Variants in FYN observed in about 807,000 individuals in gnomAD.
FYN encodes the protein FYN proto-oncogene, Src family tyrosine kinase.
Under a neutral mutation model 70.2 loss-of-function variants are expected in FYN, and 10 were observed. The observed-to-expected ratio is 0.14, with a 90% CI of 0.09 to 0.24. The LOEUF (loss-of-function observed/expected upper bound fraction) is 0.24, where lower values mean the gene tolerates loss of function less well. FYN is among the 10% of genes least tolerant of loss of function. FYN has a pLI of 1.00. For synonymous variants in FYN, 236 were observed against 248.6 expected, an observed-to-expected ratio of 0.95 and a Z score of 0.48; for missense variants, 319 against 673.1, an observed-to-expected ratio of 0.47 and a Z score of 5.82.
intron 1 of FYN, among the ~76,000 whole-genome samples, chr6:111,871,905 G>T (rs1324738832): frequency 6.6e-6 from 1 of 152,220 alleles, no homozygotes; most frequent in Non-Finnish European, 1.5e-5. Context: ...CCGGCATCCG[G>T]GGGTTCTTTT....
intron 3 of FYN, among the ~76,000 whole-genome samples, chr6:111,766,070 T>C (rs1803218708): frequency 1.3e-5 from 2 of 152,294 alleles, no homozygotes; most frequent in African/African-American, 2.4e-5. Context: ...GATTGATATA[T>C]GTGTAAAAAG....
chr6:111,793,251 T>C (rs1175026801), intron 2 of FYN, among the ~76,000 whole-genome samples: 1 of 152,212 alleles, frequency 6.6e-6, no homozygotes, highest in Non-Finnish European at 1.5e-5. Context: ...TATTACTATA[T>C]GTTAGGATGG....
At position 111,701,927 on chromosome 6, in the gene FYN, C is replaced by T. The variant is rs3777924; in HGVS notation, c.697+958G>A. Among the ~76,000 whole-genome samples the T allele has an allele frequency of 1.6e-3, 248 of 152,246 alleles. 3 individuals are homozygous for T. In the East Asian group the frequency reaches 0.029, roughly 18 times the overall value. Reference sequence around the variant, plus strand: ...AACAGACATTTCTTATTGTCATTTTCGAAAGATTGCTTTTTCATGCCAAAA... The same window carrying T: ...AACAGACATTTCTTATTGTCATTTTTGAAAGATTGCTTTTTCATGCCAAAA... On this transcript the variant is annotated intron_variant, in intron 8 of 13. Transcript: ENST00000354650.
intron 2 of FYN, among the ~76,000 whole-genome samples, chr6:111,812,109 T>A (rs1208172679): frequency 2.6e-5 from 4 of 152,158 alleles, no homozygotes; most frequent in African/African-American, 7.2e-5. Context: ...GCCTTGTACA[T>A]CCTTGGAGGT....
At chr6:111,817,314 T>C (rs1287941998) in intron 2 of FYN, among the ~76,000 whole-genome samples, 1 of 152,188 alleles carries the variant, frequency 6.6e-6, no homozygotes, top group African/African-American at 2.4e-5. Context: ...ACTCAAGCTA[T>C]AGAAGTATTA....
chr6:111,808,984 T>C (rs1439712751), intron 2 of FYN, among the ~76,000 whole-genome samples: 1 of 152,198 alleles, frequency 6.6e-6, no homozygotes, highest in Non-Finnish European at 1.5e-5. Flanking sequence ...ACTCGGTAAG[T>C]GTTTATCTGG....
chr6:111,787,663 A>G (rs1771451450), intron 2 of FYN, among the ~76,000 whole-genome samples: 1 of 152,236 alleles, frequency 6.6e-6, no homozygotes, highest in African/African-American at 2.4e-5. Context: ...GAATAAATTA[A>G]TGGGTCTCAC....
At chr6:111,840,859 C>T (rs1264779930) in intron 2 of FYN, among the ~76,000 whole-genome samples, 1 of 152,190 alleles carries the variant, frequency 6.6e-6, no homozygotes, top group Non-Finnish European at 1.5e-5. Context: ...GCAAGGCAGA[C>T]AACCAAATGA....
At chr6:111,814,536 G>A (rs1772424989) in intron 2 of FYN, among the ~76,000 whole-genome samples, 1 of 151,946 alleles carries the variant, frequency 6.6e-6, no homozygotes, top group African/African-American at 2.4e-5. Context: ...TGAAGAATCT[G>A]AAATGGAAAA....
chr6:111,828,017 G>A (rs1028833722), intron 2 of FYN, among the ~76,000 whole-genome samples: 4 of 152,154 alleles, frequency 2.6e-5, no homozygotes, highest in East Asian at 3.9e-4. Flanking sequence ...GCTTCACTCC[G>A]TGTCAAGTTG....
chr6:111,755,941 G>C (rs530723761), intron 3 of FYN, among the ~76,000 whole-genome samples: 1 of 152,122 alleles, frequency 6.6e-6, no homozygotes, highest in African/African-American at 2.4e-5. Context: ...TAATGAACAA[G>C]TATCCAACTC....
intron 4 of FYN, 58 bp from the exon 5 acceptor site, chr6:111,714,501 AG>A: frequency 8.3e-7 from 1 of 1,204,284 alleles, no homozygotes; most frequent in Non-Finnish European, 1.2e-6. Flanking sequence ...ATTAATTCCA[AG>A]AAATTAAATC....
At chr6:111,754,793 C>T (rs780568066) in intron 3 of FYN, 6 of 152,120 alleles carry the variant, frequency 3.9e-5, no homozygotes, top group Non-Finnish European at 8.8e-5. Flanking sequence ...CACAAACACA[C>T]AAACACACAC....
intron 1 of FYN, among the ~76,000 whole-genome samples, chr6:111,858,964 A>G (rs1157838409): frequency 6.6e-6 from 1 of 151,864 alleles, no homozygotes; most frequent in Non-Finnish European, 1.5e-5. Context: ...CCGTTTCTTG[A>G]GTTCTTCCTA....
At chr6:111,866,199 C>T (rs1440132797) in intron 1 of FYN, among the ~76,000 whole-genome samples, 1 of 152,154 alleles carries the variant, frequency 6.6e-6, no homozygotes, top group Non-Finnish European at 1.5e-5. Flanking sequence ...TCACTGAATC[C>T]TCACAGCAAC....
In FYN at chr6:111,738,396, C is replaced by T. The variant is rs565143245; in HGVS notation, c.-11-18334G>A. ...GGGGTCTTGGACTGAAGGCTTACAACCTCAACTCACATCTGTTTTTGGAGT... is the reference window on the plus strand; with the variant it reads ...GGGGTCTTGGACTGAAGGCTTACAATCTCAACTCACATCTGTTTTTGGAGT... On this transcript the variant is annotated intron_variant, in intron 3 of 13. Coordinates refer to ENST00000354650, the MANE Select transcript of FYN (RefSeq NM_002037.5). Among the ~76,000 whole-genome samples, 21 of 152,350 alleles carry T rather than the reference C, an allele frequency of 1.4e-4. No homozygotes were observed. The South Asian group carries it at 3.7e-3, about 27-fold the overall frequency.
At chr6:111,797,988 C>A (rs1479224131) in intron 2 of FYN, among the ~76,000 whole-genome samples, 2 of 151,974 alleles carry the variant, frequency 1.3e-5, no homozygotes, top group African/African-American at 2.4e-5. Context: ...GTCTCAAACT[C>A]CTGACCTCAG....
intron 1 of FYN, among the ~76,000 whole-genome samples, chr6:111,852,455 A>C (rs1583494544): frequency 1.3e-5 from 2 of 152,318 alleles, no homozygotes; most frequent in South Asian, 2.1e-4. Context: ...CAACCCTCTC[A>C]AGAAGAACTG....
At chr6:111,800,671 T>G (rs1771956332) in intron 2 of FYN, among the ~76,000 whole-genome samples, 1 of 152,188 alleles carries the variant, frequency 6.6e-6, no homozygotes, top group African/African-American at 2.4e-5. Context: ...GGAATTTAAG[T>G]TCCAAGGATG....
Sources: allele counts gnomAD v4.1 joint callset (sites outside exome capture counted in the v4.1 genomes callset), GRCh38; gene constraint gnomAD v4.1.1; transcripts MANE v1.5; gene names NCBI Gene and HGNC (gene_info 2026-07-23, HGNC 2026-07-21).